The following ZDHHC23 variants were observed in gnomAD, a reference collection of about 807,000 sequenced individuals.
ZDHHC23 encodes zDHHC palmitoyltransferase 23.
In ZDHHC23, 41 loss-of-function variants were observed where a neutral mutation model predicts 40.2. The ratio of observed to expected loss-of-function variants is 1.02; its 90% confidence interval spans 0.79 to 1.32. The LOEUF is 1.32. Ranked by LOEUF, ZDHHC23 falls within the 40% of genes most tolerant of loss-of-function variation. The pLI is 0.00. For missense variants in ZDHHC23, 471 were observed against 541.5 expected, an observed-to-expected ratio of 0.87 and a Z score of 1.29; for synonymous variants, 204 against 210.2, an observed-to-expected ratio of 0.97 and a Z score of 0.26.
In ZDHHC23 at chr3:113,963,203, A is replaced by C. The variant is rs1376784843; in HGVS notation, c.*4573A>C. On this transcript the variant is annotated 3_prime_UTR_variant, in exon 5 of 5. Transcript: ENST00000638807. ...CAGTAACATTTTGAAACATACTTTC[A>C]TGATAGTCCAGCAAAAAACAGCATC... is the stretch of plus-strand genomic sequence containing the variant. 2 of 152,100 alleles carry C rather than the reference A, an allele frequency of 1.3e-5. No homozygotes were observed. The highest frequency in any genetic ancestry group is 4.8e-5 in the African/African-American group (2 of 41,420). 9.4% of individuals were successfully genotyped at this position (152,100 alleles called of 1,614,324 possible).
downstream of ZDHHC23, among the ~76,000 whole-genome samples, chr3:113,969,037 GA>G (rs750527580): frequency 2.6e-5 from 4 of 152,154 alleles, no homozygotes; most frequent in Non-Finnish European, 4.4e-5. Context: ...AATGGCAAGA[GA>G]GGAAAGCAAA....
chr3:113,953,987 G>C lies in ZDHHC23; in HGVS notation c.449G>C (p.Gly150Ala). 6.2e-7 allele frequency: 1 copy of C among 1,614,104 alleles called. No individual in the cohort carries two copies. The highest frequency in any genetic ancestry group is 8.5e-7 in the Non-Finnish European group (1 of 1,180,034). The change falls in exon 3 of 5, where the codon GGC (glycine) becomes GCC (alanine). Residue 150 changes from glycine to alanine, a missense_variant. Transcript: ENST00000638807. ...FFLSLGLFSLGYMYYVFLQEV... is the reference protein window; with the variant it reads ...FFLSLGLFSLAYMYYVFLQEV... ...CTGAGCCTTGGACTGTTCTCTCTGG[G>C]CTACATGTACTATGTGTTCCTGCAG...
At chr3:113,957,525 C>T (rs977019851) in intron 4 of ZDHHC23, 18 of 373,180 alleles carry the variant, frequency 4.8e-5, no homozygotes, top group East Asian at 2.2e-4. Context: ...TGTGCACTCT[C>T]GGTGCGGAGG....
downstream of ZDHHC23, chr3:113,964,091 A>G (rs1211929842): frequency 6.6e-6 from 1 of 152,142 alleles, no homozygotes; most frequent in African/African-American, 2.4e-5. Flanking sequence ...AGCAGGTGGT[A>G]CAGCTAGATA....
downstream of ZDHHC23, among the ~76,000 whole-genome samples, chr3:113,968,809 A>G (rs144907583): frequency 1.3e-5 from 2 of 151,976 alleles, no homozygotes; most frequent in African/African-American, 4.8e-5. Context: ...AGTTCCTTAC[A>G]TATTCTAGTT....
downstream of ZDHHC23, among the ~76,000 whole-genome samples, chr3:113,970,335 CA>C (rs1940671392): frequency 6.6e-6 from 1 of 151,918 alleles, no homozygotes; most frequent in African/African-American, 2.4e-5. Context: ...AATTTGGATA[CA>C]TTTTTTTTAA....
Position 113,958,652 on chromosome 3 carries a change from T to C in ZDHHC23, c.*22T>C, listed in dbSNP as rs1320210563. The C allele has an allele frequency of 6.3e-7, 1 of 1,593,538 alleles. No individual in the cohort carries two copies. Among genetic ancestry groups the C allele is most frequent in the African/African-American group, 1.3e-5 (1 of 74,836 alleles). ...CTGAAGTGCCTTCTATGTGGCTCTC[T>C]GAGGGATGATGGCTCCTCCTTCCGT... On this transcript the variant is annotated 3_prime_UTR_variant, in exon 5 of 5. Coordinates refer to ENST00000638807, the MANE Select transcript of ZDHHC23 (RefSeq NM_001320466.2).
At chr3:113,973,079 TGG>T in the ZDHHC23 span, among the ~76,000 whole-genome samples, 4 of 152,174 alleles carry the variant, frequency 2.6e-5, no homozygotes, top group African/African-American at 9.6e-5. Flanking sequence ...GGACTTACTA[TGG>T]CAATTTTTTC....
rs144061417 is a variant in ZDHHC23 at position 113,956,202 on chromosome 3, G to A, written c.873-137G>A. The A allele has an allele frequency of 4.2e-3, 3,647 of 878,786 alleles. 18 individuals are homozygous for A. The highest frequency in any genetic ancestry group is 0.028 in the Middle Eastern group (75 of 2,712). 54.4% of individuals were successfully genotyped at this position (878,786 alleles called of 1,614,324 possible). A position where few individuals can be genotyped will look rare whatever the true frequency, so the allele number is the denominator to read the frequency against. On this transcript the variant is annotated intron_variant, in intron 3 of 4. Coordinates refer to ENST00000638807, the MANE Select transcript of ZDHHC23 (RefSeq NM_001320466.2). ...GCAGAGGTTGCAGTGAGCCAAGATC[G>A]CGCCATTGCACTTTAGCCTGAACTA...
chr3:113,978,230 G>A, the ZDHHC23 span: 10 of 1,613,962 alleles, frequency 6.2e-6, no homozygotes, highest in Non-Finnish European at 7.6e-6. Context: ...CCTGAGAATC[G>A]ATCTTCACCT....
downstream of ZDHHC23, among the ~76,000 whole-genome samples, chr3:113,967,430 C>T (rs1940316547): frequency 6.7e-6 from 1 of 150,266 alleles, no homozygotes; most frequent in Non-Finnish European, 1.5e-5. Flanking sequence ...TCTTTCTTTC[C>T]CTGAACTCCT....
chr3:113,963,605 C>T (rs1014912167), downstream of ZDHHC23, among the ~76,000 whole-genome samples: 5 of 137,970 alleles, frequency 3.6e-5, no homozygotes, highest in Admixed American at 3.0e-4. Context: ...AAAAAGTTAG[C>T]TGGGCATGTA....
At position 113,948,755 on chromosome 3, in the gene ZDHHC23, C is replaced by T; in HGVS notation, c.-48C>T. The T allele has an allele frequency of 1.2e-6, 2 of 1,611,124 alleles. No individual in the cohort carries two copies. Among genetic ancestry groups the T allele is most frequent in the Non-Finnish European group, 1.7e-6 (2 of 1,178,260 alleles). On this transcript the variant is annotated 5_prime_UTR_variant, in exon 2 of 5. Transcript: ENST00000638807. ...GAGATGTAAGTTGTGTTCTTTCCAC[C>T]TTTACCTTCTGAGGGCTTCTTACGC...
At chr3:113,951,428 T>C (rs1213756095) in intron 2 of ZDHHC23, among the ~76,000 whole-genome samples, 1 of 152,166 alleles carries the variant, frequency 6.6e-6, no homozygotes. Flanking sequence ...CCACCAAGAT[T>C]TACCACCTAT....
chr3:113,971,007 G>T, the ZDHHC23 span, among the ~76,000 whole-genome samples: 1 of 152,110 alleles, frequency 6.6e-6, no homozygotes, highest in Non-Finnish European at 1.5e-5. Flanking sequence ...TTGCTATTGT[G>T]AATAGTGCCG....
chr3:113,965,795 A>G (rs1577291071), downstream of ZDHHC23, among the ~76,000 whole-genome samples: 1 of 151,954 alleles, frequency 6.6e-6, no homozygotes, highest in East Asian at 1.9e-4. Flanking sequence ...GGGTTTCACC[A>G]TGTTGGCCAG....
At position 113,948,721 on chromosome 3, in the gene ZDHHC23, C is replaced by A; in HGVS notation, c.-82C>A. On this transcript the variant is annotated 5_prime_UTR_variant, in exon 2 of 5. Transcript: ENST00000638807. ...TTAAGCAGAGAGAGAGAGGCGTGGA[C>A]CTATTTACGAGATGTAAGTTGTGTT... 1 of 1,521,614 alleles carries A rather than the reference C, an allele frequency of 6.6e-7. No individual in the cohort carries two copies. The highest frequency in any genetic ancestry group is 9.0e-7 in the Non-Finnish European group (1 of 1,106,808). The allele number at this position is 1,521,614 out of a possible 1,614,324, so 94.3% of individuals were successfully genotyped here. A position where few individuals can be genotyped will look rare whatever the true frequency, so the allele number is the denominator to read the frequency against.
chr3:113,959,624 G>A lies in ZDHHC23; in HGVS notation c.*994G>A, dbSNP rs1446474155. ...TGGTAGGAAGGCTGAGTAACATCAC[G>A]GGCTCGATTATTTTCTTCATGTATT... On this transcript the variant is annotated 3_prime_UTR_variant, in exon 5 of 5. Transcript: ENST00000638807. 3.4e-6 allele frequency: 4 copies of A among 1,182,520 alleles called. No individual in the cohort carries two copies. The African/African-American group carries it at 4.7e-5, about 14-fold the overall frequency. The allele number at this position is 1,182,520 out of a possible 1,614,324, so 73.3% of individuals were successfully genotyped here. A position where few individuals can be genotyped will look rare whatever the true frequency, so the allele number is the denominator to read the frequency against.
the ZDHHC23 span, among the ~76,000 whole-genome samples, chr3:113,970,959 G>T: frequency 1.2e-4 from 18 of 152,112 alleles, no homozygotes; most frequent in African/African-American, 4.3e-4. Context: ...TCTTAATCCA[G>T]TCTATCATTG....
Sources: gnomAD v4.1 joint callset for allele counts (sites outside exome capture counted in the v4.1 genomes callset) on GRCh38, gnomAD v4.1.1 for gene constraint, MANE v1.5 for transcripts, NCBI Gene and HGNC (gene_info 2026-07-23, HGNC 2026-07-21) for gene names.